The following STK39 variants were observed in gnomAD, a reference collection of about 807,000 sequenced individuals.
STK39 encodes STE20/SPS1-related proline-alanine-rich protein kinase.
A neutral mutation model predicts 77.8 loss-of-function variants in STK39; 20 were observed. That is an observed-to-expected ratio of 0.26 (90% CI 0.18 to 0.37). The LOEUF (loss-of-function observed/expected upper bound fraction) is 0.37, where lower values mean the gene tolerates loss of function less well. Among genes scored for constraint, STK39 ranks in the 10% least tolerant of loss-of-function variants. The probability of loss-of-function intolerance (pLI) is 1.00; values close to 1 mark genes in which losing one functional copy is unlikely to be tolerated. For missense variants in STK39, 479 were observed against 656.5 expected (o/e 0.73, Z 2.95); for synonymous variants, 246 against 234.1 (o/e 1.05, Z -0.47).
intron 16 of STK39, among the ~76,000 whole-genome samples, chr2:167,967,412 C>CCT (rs1003225273): frequency 6.6e-6 from 1 of 152,150 alleles, no homozygotes; most frequent in Non-Finnish European, 1.5e-5. Context: ...CCCGCCTGTC[C>CCT]CTACAGGGTA....
Position 168,065,375 on chromosome 2 carries a change from C to T in STK39, c.1249G>A (p.Val417Met). Reference protein sequence around the residue: ...RVKEENPEIAVSASTIPEQIQ... With the variant: ...RVKEENPEIAMSASTIPEQIQ... ...TGTTCGGGGATGGTGCTGGCACTCA[C>T]TGCAATCTGTTACGAGAGCCACCGT... The change falls in exon 13 of 18, where the codon GTG (valine) becomes ATG (methionine). Residue 417 changes from valine (V) to methionine (M), a missense_variant. This residue lies in a region of STK39 where 244 missense variants were observed against 296.8 expected (regional missense o/e 0.82). Coordinates refer to ENST00000355999, the MANE Select transcript of STK39 (RefSeq NM_013233.3). 6.2e-7 allele frequency: 1 copy of T among 1,614,026 alleles called. No individual in the cohort carries two copies. Among genetic ancestry groups the T allele is most frequent in the South Asian group, 1.1e-5 (1 of 91,076 alleles).
intron 14 of STK39, among the ~76,000 whole-genome samples, chr2:168,025,866 C>T (rs57473443): frequency 0.1 from 15,837 of 152,230 alleles, 1,779 homozygotes; most frequent in African/African-American, 0.27. Flanking sequence ...GCAGTGTCTT[C>T]ACGTCAGAAC....
chr2:168,018,938 G>T (rs1393178645), intron 14 of STK39, among the ~76,000 whole-genome samples: 2 of 152,046 alleles, frequency 1.3e-5, no homozygotes, highest in African/African-American at 4.8e-5. Flanking sequence ...TAGAAAGCCA[G>T]CCCAAGTCTC....
intron 14 of STK39, among the ~76,000 whole-genome samples, chr2:168,053,747 G>A (rs1685455084): frequency 6.6e-6 from 1 of 152,156 alleles, no homozygotes; most frequent in African/African-American, 2.4e-5. Context: ...ACCAGCAGAA[G>A]GATTTTGTAT....
At chr2:168,053,400 T>G (rs562131809) in intron 14 of STK39, among the ~76,000 whole-genome samples, 1 of 152,214 alleles carries the variant, frequency 6.6e-6, no homozygotes, top group Admixed American at 6.5e-5. Flanking sequence ...ATTAAAAATC[T>G]ACATTAACAT....
At chr2:168,099,395 A>G (rs1686760966) in intron 10 of STK39, among the ~76,000 whole-genome samples, 3 of 152,196 alleles carry the variant, frequency 2.0e-5, no homozygotes, top group African/African-American at 7.2e-5. Flanking sequence ...GCTTTTTATT[A>G]ATGTTTATTA....
intron 1 of STK39, among the ~76,000 whole-genome samples, chr2:168,197,787 G>A (rs1296427072): frequency 3.9e-5 from 6 of 152,092 alleles, no homozygotes; most frequent in Admixed American, 3.3e-4. Context: ...TATAATCCCA[G>A]CACTTTGGGA....
At chr2:168,236,907 T>G (rs4358088) in intron 1 of STK39, among the ~76,000 whole-genome samples, 82,697 of 151,708 alleles carry the variant, frequency 0.55, 23,004 homozygotes, top group East Asian at 0.67. Flanking sequence ...TGTTCTTTTG[T>G]CTTAGGATTG....
intron 16 of STK39, among the ~76,000 whole-genome samples, chr2:167,976,165 A>G (rs1033010551): frequency 2.0e-5 from 3 of 152,256 alleles, no homozygotes; most frequent in Admixed American, 1.3e-4. Context: ...TCTCATGATC[A>G]AATTTATAAA....
At chr2:167,958,528 T>C (rs1691847704) in intron 17 of STK39, among the ~76,000 whole-genome samples, 1 of 152,176 alleles carries the variant, frequency 6.6e-6, no homozygotes. Flanking sequence ...GACTTCTACA[T>C]TTCCTCTTTA....
chr2:167,980,759 T>G (rs1306391902), intron 16 of STK39, among the ~76,000 whole-genome samples: 2 of 151,868 alleles, frequency 1.3e-5, no homozygotes, highest in East Asian at 3.9e-4. Context: ...TGTTGTTTTT[T>G]TTTTTTTTTA....
At chr2:168,161,430 G>A (rs1458129068) in intron 5 of STK39, among the ~76,000 whole-genome samples, 2 of 152,150 alleles carry the variant, frequency 1.3e-5, no homozygotes, top group African/African-American at 4.8e-5. Context: ...TTTAATTGAT[G>A]TGTATGATGT....
At chr2:167,965,374 C>T (rs980762283) in intron 16 of STK39, among the ~76,000 whole-genome samples, 1 of 152,154 alleles carries the variant, frequency 6.6e-6, no homozygotes, top group Non-Finnish European at 1.5e-5. Context: ...AGAGTAGACG[C>T]TGTCAGTTTG....
chr2:168,148,938 T>C (rs1688211093), intron 5 of STK39, among the ~76,000 whole-genome samples: 2 of 152,202 alleles, frequency 1.3e-5, no homozygotes, highest in South Asian at 4.1e-4. Flanking sequence ...TTTCCTTCTT[T>C]GAGCAACAGG....
intron 10 of STK39, among the ~76,000 whole-genome samples, chr2:168,117,805 C>G (rs1051648771): frequency 1.3e-5 from 2 of 152,090 alleles, no homozygotes; most frequent in African/African-American, 4.8e-5. Flanking sequence ...CCATGGGACC[C>G]TGGAGTGATC....
chr2:168,204,111 A>T (rs1231575900), intron 1 of STK39, among the ~76,000 whole-genome samples: 1 of 152,264 alleles, frequency 6.6e-6, no homozygotes, highest in Non-Finnish European at 1.5e-5. Context: ...CTAGCTGGCA[A>T]AGTAGAACAA....
chr2:168,004,997 CTTTTTTTTTTTTTTTT>C (rs10563812), intron 16 of STK39, among the ~76,000 whole-genome samples: 2 of 77,560 alleles, frequency 2.6e-5, no homozygotes, highest in Admixed American at 1.7e-4. Flanking sequence ...AGAAGGCCCT[CTTTTTTTTTTTTTTTT>C]TTTTTTTTTT....
chr2:168,050,286 A>G (rs932674407), intron 14 of STK39, among the ~76,000 whole-genome samples: 3 of 152,234 alleles, frequency 2.0e-5, no homozygotes, highest in Non-Finnish European at 2.9e-5. Flanking sequence ...CAAGCATAAT[A>G]AAAATTAGAA....
chr2:167,955,976 A>C (rs1285324413), intron 17 of STK39, among the ~76,000 whole-genome samples: 2 of 152,220 alleles, frequency 1.3e-5, no homozygotes, highest in Non-Finnish European at 2.9e-5. Flanking sequence ...AATAAGCAGA[A>C]GAGATCTAAC....
Sources: gnomAD v4.1 joint callset for allele counts (sites outside exome capture counted in the v4.1 genomes callset) on GRCh38, gnomAD v4.1.1 for gene constraint, gnomAD v4.1.1 regional missense constraint, MANE v1.5 for transcripts, NCBI Gene and HGNC (gene_info 2026-07-23, HGNC 2026-07-21) for gene names.